The following HMOX2 variants were observed in gnomAD, a reference collection of about 807,000 sequenced individuals.
HMOX2 encodes the protein heme oxygenase (decycling) 2.
Under a neutral mutation model 33.7 loss-of-function variants are expected in HMOX2, and 30 were observed. That is an observed-to-expected ratio of 0.89 (90% CI 0.67 to 1.21). The LOEUF (loss-of-function observed/expected upper bound fraction) is 1.21, where lower values mean the gene tolerates loss of function less well. HMOX2 is among the 50% of genes most tolerant of loss of function. The probability of loss-of-function intolerance (pLI) is 0.00; values close to 1 mark genes in which losing one functional copy is unlikely to be tolerated. For missense variants in HMOX2, 403 were observed against 399.1 expected (o/e 1.01, Z -0.08); for synonymous variants, 155 against 155.0 (o/e 1.00, Z 0.00).
At position 4,497,480 on chromosome 16, in the gene HMOX2, A is replaced by G. The variant is rs187427155; in HGVS notation, c.-41-8004A>G. ...CAGCCCTGGGACACATTGTCCTCAT[A>G]TAAAGCGAGGTGGCAATCAGGGAAC... On this transcript the variant is annotated intron_variant, in intron 1 of 5. Coordinates refer to ENST00000570646, the MANE Select transcript of HMOX2 (RefSeq NM_002134.4). Among the ~76,000 whole-genome samples, 33 of 152,294 alleles carry G rather than the reference A, an allele frequency of 2.2e-4. No homozygotes were observed. In the East Asian group the frequency reaches 5.6e-3, roughly 26 times the overall value.
In HMOX2 at chr16:4,507,850, G is replaced by T. The variant is rs762152681; in HGVS notation, c.342G>T (p.Glu114Asp). ...AGGAGGCGCTGACCAAGGACATGGA[G>T]TATTTCTTTGGTGAAAACTGGGAGG... ...HRKEALTKDM[E>D]YFFGENWEEQ... The change falls in exon 4 of 6, where the codon GAG becomes GAT. Residue 114 changes from glutamate to aspartate, a missense_variant. Physicochemically the swap from Glu to Asp is conservative, Grantham distance 45. Transcript: ENST00000570646. 1 of 1,614,094 alleles carries T rather than the reference G, an allele frequency of 6.2e-7. No individual in the cohort carries two copies. The highest frequency in any genetic ancestry group is 8.5e-7 in the Non-Finnish European group (1 of 1,180,038).
At chr16:4,485,243 G>C (rs1027580038) in intron 1 of HMOX2, among the ~76,000 whole-genome samples, 1 of 152,162 alleles carries the variant, frequency 6.6e-6, no homozygotes, top group African/African-American at 2.4e-5. Flanking sequence ...TATGATTACA[G>C]GGGTGAGCCA....
At chr16:4,490,607 A>G (rs2058280663) in intron 1 of HMOX2, among the ~76,000 whole-genome samples, 2 of 152,190 alleles carry the variant, frequency 1.3e-5, no homozygotes, top group Non-Finnish European at 2.9e-5. Context: ...CAGGCATCCA[A>G]ATACATACAA....
intron 1 of HMOX2, among the ~76,000 whole-genome samples, chr16:4,502,168 G>A (rs934401609): frequency 2.0e-5 from 3 of 152,034 alleles, no homozygotes; most frequent in Non-Finnish European, 1.5e-5. Flanking sequence ...CAGGTGATCT[G>A]CCCACCTCGG....
chr16:4,495,733 CA>C (rs2058401520), intron 1 of HMOX2: 1 of 152,234 alleles, frequency 6.6e-6, no homozygotes, highest in Admixed American at 6.5e-5. Context: ...TTTAAATACT[CA>C]ATACATGCTT....
At chr16:4,486,703 C>G (rs1043739951) in intron 1 of HMOX2, among the ~76,000 whole-genome samples, 2 of 152,176 alleles carry the variant, frequency 1.3e-5, no homozygotes, top group African/African-American at 2.4e-5. Context: ...TTTGGACATA[C>G]AGGCCTAAGA....
intron 1 of HMOX2, chr16:4,483,750 T>A (rs543392303): frequency 3.9e-5 from 6 of 152,090 alleles, no homozygotes; most frequent in Admixed American, 3.3e-4. Context: ...TAGGTGGGAC[T>A]ACAGGTGTGC....
chr16:4,492,654 G>A (rs1033447814), intron 1 of HMOX2, among the ~76,000 whole-genome samples: 1 of 151,870 alleles, frequency 6.6e-6, no homozygotes, highest in African/African-American at 2.4e-5. Flanking sequence ...AGGAGGCAGA[G>A]ATTGCGGTGA....
At chr16:4,482,125 C>T (rs1205039066) in intron 1 of HMOX2, among the ~76,000 whole-genome samples, 1 of 152,202 alleles carries the variant, frequency 6.6e-6, no homozygotes, top group African/African-American at 2.4e-5. Context: ...ACTTAAAAAA[C>T]TCCATTCCTC....
intron 1 of HMOX2, chr16:4,481,684 C>G (rs1335387811): frequency 6.6e-6 from 1 of 152,120 alleles, no homozygotes; most frequent in East Asian, 1.9e-4. Flanking sequence ...ACTTGACGTG[C>G]AGAGCAAGAT....
chr16:4,506,132 G>C (rs1254359304), intron 2 of HMOX2, among the ~76,000 whole-genome samples: 1 of 152,092 alleles, frequency 6.6e-6, no homozygotes, highest in Non-Finnish European at 1.5e-5. Context: ...GCACATGGAT[G>C]ATAACGAGCT....
chr16:4,486,333 T>C (rs1179687810), intron 1 of HMOX2, among the ~76,000 whole-genome samples: 1 of 152,190 alleles, frequency 6.6e-6, no homozygotes, highest in Non-Finnish European at 1.5e-5. Context: ...CGTGTCCCCA[T>C]GTGTAGGCAG....
At chr16:4,492,326 TAAA>T in intron 1 of HMOX2, among the ~76,000 whole-genome samples, 1 of 143,096 alleles carries the variant, frequency 7.0e-6, no homozygotes. Context: ...ACCCTGTCTC[TAAA>T]AAAAAAAAAT....
intron 2 of HMOX2, 111 bp downstream of exon 2, chr16:4,505,721 C>T: frequency 1.4e-6 from 1 of 727,318 alleles, no homozygotes; most frequent in Non-Finnish European, 2.3e-6. Context: ...GGGCCATGAG[C>T]TCTGGACCCC....
chr16:4,508,032 T>G lies in HMOX2; in HGVS notation c.524T>G (p.Leu175Arg), dbSNP rs1255272760. The G allele has an allele frequency of 6.2e-7, 1 of 1,613,932 alleles. No individual in the cohort carries two copies. Reference protein sequence around the residue: ...QVLKKVAQRALKLPSTGEGTQ... With the variant: ...QVLKKVAQRARKLPSTGEGTQ... Reference sequence around the variant, plus strand: ...CTGAAGAAGGTGGCCCAGCGAGCACTGAAACTCCCCAGCACAGGGGAAGGG... The same window carrying G: ...CTGAAGAAGGTGGCCCAGCGAGCACGGAAACTCCCCAGCACAGGGGAAGGG... The change falls in exon 4 of 6, where the codon CTG (leucine) becomes CGG (arginine). Residue 175 changes from leucine to arginine, a missense_variant. Coordinates refer to ENST00000570646, the MANE Select transcript of HMOX2 (RefSeq NM_002134.4).
At chr16:4,505,909 G>T (rs1293081918) in intron 2 of HMOX2, among the ~76,000 whole-genome samples, 1 of 152,186 alleles carries the variant, frequency 6.6e-6, no homozygotes, top group African/African-American at 2.4e-5. Context: ...CATCTGGGCT[G>T]AGAAAGGGTA....
At chr16:4,480,347 CT>C (rs57106048) in intron 1 of HMOX2, among the ~76,000 whole-genome samples, 40 of 129,248 alleles carry the variant, frequency 3.1e-4, no homozygotes, top group South Asian at 7.4e-4. Flanking sequence ...AGCACCCGGC[CT>C]TTTTTTTTTT....
chr16:4,479,128 G>A (rs987709453), intron 1 of HMOX2, among the ~76,000 whole-genome samples: 7 of 152,090 alleles, frequency 4.6e-5, no homozygotes, highest in African/African-American at 1.7e-4. Flanking sequence ...TCCAGCCTGG[G>A]CGACAAGAGC....
chr16:4,500,127 T>C (rs985022575), intron 1 of HMOX2, among the ~76,000 whole-genome samples: 1 of 152,200 alleles, frequency 6.6e-6, no homozygotes, highest in Admixed American at 6.6e-5. Context: ...TTGGTTTAAC[T>C]GGGAAGACAG....
Sources: gnomAD v4.1 joint callset for allele counts (sites outside exome capture counted in the v4.1 genomes callset) on GRCh38, gnomAD v4.1.1 for gene constraint, MANE v1.5 for transcripts, NCBI Gene and HGNC (gene_info 2026-07-23, HGNC 2026-07-21) for gene names.